The following EDAR variants were observed in gnomAD, a reference collection of about 807,000 sequenced individuals.
The protein encoded by EDAR is tumor necrosis factor receptor superfamily member EDAR.
EDAR carries 38 observed loss-of-function variants against 51.3 expected under a neutral mutation model. The ratio of observed to expected loss-of-function variants is 0.74; its 90% CI spans 0.57 to 0.97. The LOEUF is 0.97. EDAR is among the 50% of genes least tolerant of loss of function. The probability of loss-of-function intolerance (pLI) is 0.00; values close to 1 mark genes in which losing one functional copy is unlikely to be tolerated. For missense variants in EDAR, 528 were observed against 595.0 expected (o/e 0.89, Z 1.17); for synonymous variants, 227 against 242.1 (o/e 0.94, Z 0.58).
intron 1 of EDAR, among the ~76,000 whole-genome samples, chr2:108,978,362 C>T (rs749415490): frequency 6.6e-6 from 1 of 152,156 alleles, no homozygotes; most frequent in Non-Finnish European, 1.5e-5. Context: ...GGCCAGGTCT[C>T]CTATTAAGTA....
chr2:108,963,578 CA>C (rs1698094124), intron 1 of EDAR, among the ~76,000 whole-genome samples: 1 of 152,086 alleles, frequency 6.6e-6, no homozygotes, highest in Non-Finnish European at 1.5e-5. Context: ...CAGGTGTGGA[CA>C]GCAATATAGT....
intron 4 of EDAR, among the ~76,000 whole-genome samples, chr2:108,928,090 C>T (rs932945732): frequency 1.3e-5 from 2 of 152,138 alleles, no homozygotes; most frequent in Admixed American, 6.5e-5. Context: ...AAGTCTTCAG[C>T]GGTGGTTTCC....
At chr2:108,897,908 A>G (rs975088258) in intron 11 of EDAR, among the ~76,000 whole-genome samples, 6 of 152,178 alleles carry the variant, frequency 3.9e-5, no homozygotes, top group Admixed American at 2.6e-4. Context: ...AGACAGACCA[A>G]CTAGGGACCT....
At chr2:108,903,780 A>G (rs1696747997) in intron 11 of EDAR, among the ~76,000 whole-genome samples, 1 of 152,214 alleles carries the variant, frequency 6.6e-6, no homozygotes, top group South Asian at 2.1e-4. Context: ...AAACTATGTG[A>G]ACTTAAATGT....
chr2:108,921,595 T>G (rs1697142733), intron 5 of EDAR, among the ~76,000 whole-genome samples: 1 of 152,192 alleles, frequency 6.6e-6, no homozygotes, highest in Admixed American at 6.5e-5. Flanking sequence ...ATGGCAGTCC[T>G]GTGTGTGTGG....
intron 4 of EDAR, among the ~76,000 whole-genome samples, chr2:108,927,071 G>A (rs1358244174): frequency 6.6e-6 from 1 of 152,182 alleles, no homozygotes; most frequent in Non-Finnish European, 1.5e-5. Flanking sequence ...GTGGGCGTTG[G>A]GACTGGCAGT....
intron 1 of EDAR, among the ~76,000 whole-genome samples, chr2:108,977,439 T>C (rs1419012712): frequency 6.6e-6 from 1 of 152,116 alleles, no homozygotes; most frequent in Non-Finnish European, 1.5e-5. Flanking sequence ...TGGCTAATTT[T>C]TTTTGTATTT....
chr2:108,910,598 C>CA, intron 8 of EDAR, 66 bp from the exon 9 acceptor site: 3 of 1,453,664 alleles, frequency 2.1e-6, no homozygotes, highest in Non-Finnish European at 2.9e-6. Context: ...GCGCTCAGCC[C>CA]AACCCTGCTC....
intron 1 of EDAR, among the ~76,000 whole-genome samples, chr2:108,978,639 T>C (rs770903287): frequency 9.9e-5 from 15 of 152,148 alleles, no homozygotes; most frequent in Non-Finnish European, 2.1e-4. Flanking sequence ...TATTAAAATA[T>C]TAGAGAGACC....
At chr2:108,954,529 T>A (rs992369334) in intron 1 of EDAR, among the ~76,000 whole-genome samples, 2 of 152,168 alleles carry the variant, frequency 1.3e-5, no homozygotes, top group Non-Finnish European at 2.9e-5. Flanking sequence ...GTGAGCCACA[T>A]GCTTTGCTCT....
At chr2:108,955,199 C>G (rs1000756599) in intron 1 of EDAR, among the ~76,000 whole-genome samples, 1 of 152,168 alleles carries the variant, frequency 6.6e-6, no homozygotes, top group African/African-American at 2.4e-5. Context: ...CCTTGGTTGT[C>G]TCATCAGTAA....
At chr2:108,949,980 T>C (rs1036837583) in intron 1 of EDAR, among the ~76,000 whole-genome samples, 4 of 152,126 alleles carry the variant, frequency 2.6e-5, no homozygotes, top group African/African-American at 7.2e-5. Context: ...GGGGGAACTG[T>C]GGAGATTGGG....
intron 1 of EDAR, among the ~76,000 whole-genome samples, chr2:108,953,935 T>TA (rs1375482678): frequency 6.6e-6 from 1 of 152,190 alleles, no homozygotes; most frequent in Non-Finnish European, 1.5e-5. Flanking sequence ...CTACATATTA[T>TA]AAGTGAGACA....
At chr2:108,912,873 G>A in intron 5 of EDAR, 109 bp from the exon 6 acceptor site, 1 of 890,710 alleles carries the variant, frequency 1.1e-6, no homozygotes, top group Admixed American at 2.0e-5. Context: ...GCCTGAGGCA[G>A]TGATGGCTGA....
chr2:108,975,292 A>G (rs1698302737), intron 1 of EDAR, among the ~76,000 whole-genome samples: 1 of 152,142 alleles, frequency 6.6e-6, no homozygotes, highest in African/African-American at 2.4e-5. Flanking sequence ...GCCGGCCACC[A>G]TGCTCCTGCC....
chr2:108,934,546 C>T (rs1026082042), intron 1 of EDAR, among the ~76,000 whole-genome samples: 3 of 152,172 alleles, frequency 2.0e-5, no homozygotes, highest in South Asian at 2.1e-4. Flanking sequence ...CAGAATACCA[C>T]GGACTGGCTA....
intron 1 of EDAR, among the ~76,000 whole-genome samples, chr2:108,985,917 G>T (rs538314605): frequency 6.6e-6 from 1 of 152,206 alleles, no homozygotes; most frequent in South Asian, 2.1e-4. Flanking sequence ...ATGTCCTTGG[G>T]GTGTGCTATG....
At chr2:108,906,187 G>C in intron 11 of EDAR, 121 bp downstream of exon 11, 2 of 989,228 alleles carry the variant, frequency 2.0e-6, no homozygotes, top group South Asian at 2.6e-5. Context: ...TCTGACCAAA[G>C]TGCGGCAACT....
chr2:108,907,649 CAA>C (rs11306434), intron 10 of EDAR, among the ~76,000 whole-genome samples: 18 of 144,060 alleles, frequency 1.2e-4, no homozygotes, highest in Non-Finnish European at 1.1e-4. Context: ...CTCTCATCTC[CAA>C]AAAAAAAAAA....
Sources: gnomAD v4.1 joint callset for allele counts (sites outside exome capture counted in the v4.1 genomes callset) on GRCh38, gnomAD v4.1.1 for gene constraint, MANE v1.5 for transcripts, NCBI Gene and HGNC (gene_info 2026-07-23, HGNC 2026-07-21) for gene names.